RARB: variants seen among roughly 807,000 people sequenced by gnomAD.
RARB encodes HBV-activated protein.
Under a neutral mutation model 51.9 loss-of-function variants are expected in RARB, and 17 were observed. That is an observed-to-expected ratio of 0.33 (90% CI 0.22 to 0.49). RARB has a LOEUF of 0.49. RARB is among the 20% of genes least tolerant of loss of function. The pLI, the probability that RARB is intolerant of heterozygous loss-of-function variation, is 0.99. For missense variants in RARB, 369 were observed against 550.8 expected, an observed-to-expected ratio of 0.67 and a Z score of 3.30; for synonymous variants, 215 against 195.4, an observed-to-expected ratio of 1.10 and a Z score of -0.84.
chr3:25,536,102 C>T (rs1223274119), intron 3 of RARB, among the ~76,000 whole-genome samples: 1 of 152,178 alleles, frequency 6.6e-6, no homozygotes, highest in East Asian at 1.9e-4. Context: ...CAATGTTTTT[C>T]CTCTTACCTG....
In RARB at chr3:25,428,406, A is replaced by C; in HGVS notation, c.-326A>C. On this transcript the variant is annotated 5_prime_UTR_variant, in exon 1 of 8. Coordinates refer to ENST00000330688, the MANE Select transcript of RARB (RefSeq NM_000965.5). ...CGATCCGAGCAGGGTTTGTCTGGGC[A>C]CCGTCGGGGTAGGATCCGGAACGCA... 1 of 1,266,960 alleles carries C rather than the reference A, an allele frequency of 7.9e-7. No individual in the cohort carries two copies. Among genetic ancestry groups the C allele is most frequent in the Non-Finnish European group, 9.9e-7 (1 of 1,008,416 alleles). 78.5% of individuals were successfully genotyped at this position (1,266,960 alleles called of 1,614,324 possible). A position where few individuals can be genotyped will look rare whatever the true frequency, so the allele number is the denominator to read the frequency against.
chr3:25,505,670 G>GA (rs201505424), intron 3 of RARB, among the ~76,000 whole-genome samples: 17 of 148,806 alleles, frequency 1.1e-4, no homozygotes, highest in Middle Eastern at 3.5e-3. Flanking sequence ...AATGGCAAGT[G>GA]AAAAAAAAAC....
At chr3:25,044,180 A>G (rs189185550) in intron 2 of RARB, among the ~76,000 whole-genome samples, 80 of 152,242 alleles carry the variant, frequency 5.3e-4, no homozygotes, top group Non-Finnish European at 7.8e-4. Context: ...TTTGAACAAA[A>G]TTATGTTAAA....
intron 2 of RARB, among the ~76,000 whole-genome samples, chr3:24,860,981 G>T (rs1250570873): frequency 6.6e-6 from 1 of 152,102 alleles, no homozygotes; most frequent in East Asian, 1.9e-4. Flanking sequence ...CTCACACAAT[G>T]ACAAAATCAC....
At chr3:25,051,674 A>C (rs1698335936) in intron 2 of RARB, among the ~76,000 whole-genome samples, 1 of 152,196 alleles carries the variant, frequency 6.6e-6, no homozygotes, top group South Asian at 2.1e-4. Context: ...ATAGATCAAG[A>C]AAGTTACAGT....
At chr3:25,230,387 C>G (rs905229436) in intron 5 of RARB, among the ~76,000 whole-genome samples, 7 of 152,018 alleles carry the variant, frequency 4.6e-5, no homozygotes, top group Non-Finnish European at 5.9e-5. Flanking sequence ...TGGGACACTT[C>G]CCTTTTCTCC....
rs527405463 is a variant in RARB at position 24,895,704 on chromosome 3, A to G, written c.-380+36952A>G. The stretch of plus-strand genomic sequence containing the variant: ...CTGTGAACCCTTTGGGATGGCTACT[A>G]TCAAACAGAAAAATAACGAGTATTG... On this transcript the variant is annotated intron_variant, in intron 2 of 11. Coordinates refer to the RARB transcript ENST00000383772. Among the ~76,000 whole-genome samples, 35 of 151,802 alleles carry G rather than the reference A, an allele frequency of 2.3e-4. No homozygotes were observed. In the South Asian group the frequency reaches 6.9e-3, roughly 30 times the overall value.
At chr3:24,844,565 G>A (rs779621889) in intron 1 of RARB, among the ~76,000 whole-genome samples, 2 of 152,180 alleles carry the variant, frequency 1.3e-5, no homozygotes, top group African/African-American at 2.4e-5. Context: ...TGAAATTGCT[G>A]GAGAGAACTT....
chr3:25,111,748 T>G (rs1168363983), intron 3 of RARB, among the ~76,000 whole-genome samples: 2 of 151,912 alleles, frequency 1.3e-5, no homozygotes, highest in Non-Finnish European at 2.9e-5. Flanking sequence ...CCAGCTAATT[T>G]TTGTATTTTT....
At chr3:25,238,122 A>G (rs1702345352) in intron 5 of RARB, among the ~76,000 whole-genome samples, 2 of 151,762 alleles carry the variant, frequency 1.3e-5, no homozygotes, top group Non-Finnish European at 1.5e-5. Flanking sequence ...GTTTGTACCT[A>G]TTAACCAACC....
At chr3:24,929,517 G>C (rs370441766) in intron 2 of RARB, among the ~76,000 whole-genome samples, 1 of 152,038 alleles carries the variant, frequency 6.6e-6, no homozygotes, top group African/African-American at 2.4e-5. Context: ...ACCTAAAAAT[G>C]TTTTTAAGCA....
At chr3:25,249,460 G>A (rs955133078) in intron 5 of RARB, among the ~76,000 whole-genome samples, 7 of 151,964 alleles carry the variant, frequency 4.6e-5, no homozygotes, top group Non-Finnish European at 1.0e-4. Flanking sequence ...ATCTGTTGCT[G>A]GAAAATTGTT....
At chr3:24,905,412 A>T (rs567206828) in intron 2 of RARB, among the ~76,000 whole-genome samples, 2 of 152,258 alleles carry the variant, frequency 1.3e-5, no homozygotes, top group African/African-American at 4.8e-5. Context: ...ATCTGACCAC[A>T]TCTCTTCTCA....
chr3:25,442,430 G>T (rs1708740412), intron 1 of RARB, among the ~76,000 whole-genome samples: 1 of 152,116 alleles, frequency 6.6e-6, no homozygotes, highest in Non-Finnish European at 1.5e-5. Flanking sequence ...CACCACACCT[G>T]GCCAATTTTA....
chr3:25,344,799 T>A (rs1019271627), intron 5 of RARB, among the ~76,000 whole-genome samples: 1 of 152,206 alleles, frequency 6.6e-6, no homozygotes, highest in Non-Finnish European at 1.5e-5. Flanking sequence ...CTATAAAAGC[T>A]TTTTGGAATC....
intron 5 of RARB, among the ~76,000 whole-genome samples, chr3:25,235,195 G>T (rs1702274794): frequency 6.6e-6 from 1 of 152,126 alleles, no homozygotes; most frequent in African/African-American, 2.4e-5. Flanking sequence ...TCTGCCTGCA[G>T]TTGTTTACTT....
At chr3:24,946,010 A>G (rs1695765135) in intron 2 of RARB, among the ~76,000 whole-genome samples, 1 of 152,188 alleles carries the variant, frequency 6.6e-6, no homozygotes, top group African/African-American at 2.4e-5. Context: ...TCACGCCTGT[A>G]ATCGCAGCAC....
At chr3:25,175,491 C>G (rs998906896) in intron 5 of RARB, among the ~76,000 whole-genome samples, 1 of 152,076 alleles carries the variant, frequency 6.6e-6, no homozygotes, top group Non-Finnish European at 1.5e-5. Flanking sequence ...ATTGGGATAC[C>G]ACCTTAATCT....
At chr3:25,577,469 C>G (rs918281274) in intron 4 of RARB, among the ~76,000 whole-genome samples, 4 of 152,120 alleles carry the variant, frequency 2.6e-5, no homozygotes, top group African/African-American at 9.7e-5. Flanking sequence ...ACATCAGTCT[C>G]CAGGATGGTG....
Sources: allele counts gnomAD v4.1 joint callset (sites outside exome capture counted in the v4.1 genomes callset), GRCh38; gene constraint gnomAD v4.1.1; transcripts MANE v1.5; gene names NCBI Gene and HGNC (gene_info 2026-07-23, HGNC 2026-07-21).